Variants in SLC4A5 observed in about 807,000 individuals in gnomAD.
SLC4A5 encodes the protein electrogenic sodium bicarbonate cotransporter 4.
Under a neutral mutation model 120.4 loss-of-function variants are expected in SLC4A5, and 96 were observed. The ratio of observed to expected loss-of-function variants is 0.80; its 90% CI spans 0.68 to 0.94. SLC4A5 has a LOEUF of 0.94. Ranked by LOEUF, SLC4A5 falls within the 40% of genes least tolerant of loss-of-function variation. SLC4A5 has a pLI of 0.00. For missense variants in SLC4A5, 1,259 were observed against 1,459.5 expected (o/e 0.86, Z 2.24); for synonymous variants, 550 against 571.1 (o/e 0.96, Z 0.53).
intron 19 of SLC4A5, among the ~76,000 whole-genome samples, chr2:74,245,547 T>C (rs1258933095): frequency 6.6e-6 from 1 of 152,130 alleles, no homozygotes; most frequent in Non-Finnish European, 1.5e-5. Context: ...GGATCCCCTC[T>C]GGGCAAGCAA....
Position 74,225,215 on chromosome 2 carries a change from A to G in SLC4A5, c.3091-220T>C, listed in dbSNP as rs1694801748. On this transcript the variant is annotated intron_variant, in intron 27 of 30. Coordinates refer to ENST00000394019, the Ensembl canonical transcript of SLC4A5. The stretch of plus-strand genomic sequence containing the variant: ...CCTCAGGTGAGTGACCATGCCTACC[A>G]GTGACCAAGAGGGACGGAGCCTGTG... 3.3e-5 allele frequency among the ~76,000 whole-genome samples: 5 copies of G among 152,176 alleles called. No homozygotes were observed. In the South Asian group the frequency reaches 1.0e-3, roughly 32 times the overall value.
At chr2:74,297,513 G>C (rs970513317) in intron 7 of SLC4A5, among the ~76,000 whole-genome samples, 2 of 152,182 alleles carry the variant, frequency 1.3e-5, no homozygotes, top group Non-Finnish European at 2.9e-5. Flanking sequence ...CCCCAGTTGG[G>C]CTTGACTGAC....
At chr2:74,250,508 A>G in exon 17 of SLC4A5, 2 of 1,614,206 alleles carry the variant, frequency 1.2e-6, no homozygotes, top group Non-Finnish European at 1.7e-6. Context: ...GACACAGGCC[A>G]CCGAAGAACC....
chr2:74,229,104 C>CTTT (rs55689286), intron 25 of SLC4A5, among the ~76,000 whole-genome samples: 2 of 98,590 alleles, frequency 2.0e-5, no homozygotes, highest in African/African-American at 9.1e-5. Context: ...TAGATTTGAG[C>CTTT]TTTTTTTTTT....
At chr2:74,304,929 C>T (rs930349060) in intron 6 of SLC4A5, among the ~76,000 whole-genome samples, 1 of 152,152 alleles carries the variant, frequency 6.6e-6, no homozygotes, top group African/African-American at 2.4e-5. Flanking sequence ...AACTCCCATT[C>T]CCCCGTTCTT....
At chr2:74,307,874 C>A (rs1573086484) in intron 6 of SLC4A5, 2 of 482,114 alleles carry the variant, frequency 4.1e-6, no homozygotes, top group African/African-American at 2.0e-5. Context: ...ACACAGAGAT[C>A]CAGGAACCAG....
chr2:74,334,615 A>G (rs987192969), intron 3 of SLC4A5, among the ~76,000 whole-genome samples: 1 of 152,170 alleles, frequency 6.6e-6, no homozygotes, highest in Non-Finnish European at 1.5e-5. Context: ...TGTTCCTCCA[A>G]TATGGCAGAA....
At chr2:74,305,307 G>C (rs1163773966) in intron 6 of SLC4A5, among the ~76,000 whole-genome samples, 1 of 152,168 alleles carries the variant, frequency 6.6e-6, no homozygotes, top group African/African-American at 2.4e-5. Context: ...ATAGGACATT[G>C]CTATCAGTTT....
intron 30 of SLC4A5, among the ~76,000 whole-genome samples, chr2:74,219,218 TGTTTGTGTGTG>T (rs1225378079): frequency 9.5e-6 from 1 of 104,948 alleles, no homozygotes; most frequent in East Asian, 2.4e-4. Flanking sequence ...TGTGTGTGTG[TGTTTGTGTGTG>T]TTTTCAAATG....
chr2:74,298,659 T>G (rs899292168), intron 7 of SLC4A5, among the ~76,000 whole-genome samples: 1 of 152,152 alleles, frequency 6.6e-6, no homozygotes, highest in Non-Finnish European at 1.5e-5. Context: ...GAGAAAAGAT[T>G]TGCAAGCCAT....
intron 5 of SLC4A5, among the ~76,000 whole-genome samples, chr2:74,325,782 A>G (rs919240825): frequency 6.1e-5 from 9 of 146,938 alleles, no homozygotes; most frequent in African/African-American, 2.2e-4. Context: ...AGAACCAGCC[A>G]TGGTGGAGCC....
chr2:74,320,353 C>T (rs919299411), intron 5 of SLC4A5, among the ~76,000 whole-genome samples: 7 of 152,120 alleles, frequency 4.6e-5, no homozygotes, highest in Admixed American at 1.3e-4. Context: ...CAAGTCACAT[C>T]ATTATGAAGC....
chr2:74,292,005 G>A (rs1278921310), intron 7 of SLC4A5, among the ~76,000 whole-genome samples: 1 of 152,124 alleles, frequency 6.6e-6, no homozygotes, highest in Admixed American at 6.5e-5. Context: ...TAAGAGCCCA[G>A]ACCTGGGCTC....
intron 8 of SLC4A5, among the ~76,000 whole-genome samples, chr2:74,266,158 T>C (rs950045370): frequency 6.6e-6 from 1 of 152,176 alleles, no homozygotes; most frequent in Non-Finnish European, 1.5e-5. Flanking sequence ...CCTTAGCACA[T>C]ATAGAAACTT....
Position 74,255,820 on chromosome 2 carries a change from T to G in SLC4A5, c.980A>C (p.Gln327Pro). The stretch of plus-strand genomic sequence containing the variant: ...GGTCACTCCTCCCAGCATGGCCGAC[T>G]GGATGAGGCGCACGAACGCGATGAA... Residue 327 changes from glutamine (Q) to proline (P), a missense_variant, in exon 13 of 31, where the codon CAG (glutamine) becomes CCG (proline). Transcript: ENST00000394019. This position sits in a 1 kb window ranked among gnomAD's most constrained non-coding sequence, Gnocchi z 4.0. 6.2e-7 allele frequency: 1 copy of G among 1,614,230 alleles called. No homozygotes were observed. Among genetic ancestry groups the G allele is most frequent in the Non-Finnish European group, 8.5e-7 (1 of 1,180,036 alleles).
At chr2:74,320,817 G>A (rs1344149349) in intron 5 of SLC4A5, among the ~76,000 whole-genome samples, 1 of 151,950 alleles carries the variant, frequency 6.6e-6, no homozygotes, top group Admixed American at 6.6e-5. Flanking sequence ...ATGTCTTCAG[G>A]AAAAAAACCT....
chr2:74,308,192 T>C (rs1326359218), intron 6 of SLC4A5, among the ~76,000 whole-genome samples: 1 of 152,238 alleles, frequency 6.6e-6, no homozygotes. Flanking sequence ...TAAACATTCA[T>C]ATGTAGGCTT....
At chr2:74,290,233 T>C (rs561132184) in intron 7 of SLC4A5, 1 of 985,504 alleles carries the variant, frequency 1.0e-6, no homozygotes, top group African/African-American at 1.7e-5. Context: ...CAGTTCTGCC[T>C]GGGGCATTAC....
At chr2:74,262,826 A>G (rs1558884416) in intron 10 of SLC4A5, among the ~76,000 whole-genome samples, 1 of 152,186 alleles carries the variant, frequency 6.6e-6, no homozygotes, top group Admixed American at 6.6e-5. Flanking sequence ...CCACCACTTA[A>G]TGGCTTTGTG....
Sources: allele counts gnomAD v4.1 joint callset (sites outside exome capture counted in the v4.1 genomes callset), GRCh38; gene constraint gnomAD v4.1.1; non-coding constraint Gnocchi (gnomAD v3.1); transcripts MANE v1.5; gene names NCBI Gene and HGNC (gene_info 2026-07-23, HGNC 2026-07-21).